Variants in MED24 observed in about 807,000 individuals in gnomAD.
MED24 encodes mediator of RNA polymerase II transcription subunit 24.
In MED24, 74 loss-of-function variants were observed where a neutral mutation model predicts 118.8. The ratio of observed to expected loss-of-function variants is 0.62; its 90% CI spans 0.52 to 0.76. The LOEUF is 0.76. Among genes scored for constraint, MED24 ranks in the 30% least tolerant of loss-of-function variants. MED24 has a pLI of 0.00. For synonymous variants in MED24, 521 were observed against 523.9 expected (o/e 0.99, Z 0.08); for missense variants, 1,041 against 1,278.9 (o/e 0.81, Z 2.84).
intron 23 of MED24, 78 bp downstream of exon 23, chr17:40,021,877 G>T: frequency 9.3e-7 from 1 of 1,078,620 alleles, no homozygotes; most frequent in Non-Finnish European, 1.4e-6. Flanking sequence ...GCCTGCAGCT[G>T]GGGCAGCGGC....
chr17:40,035,057 A>G, intron 6 of MED24, 60 bp downstream of exon 6: 1 of 1,610,234 alleles, frequency 6.2e-7, no homozygotes, highest in Non-Finnish European at 8.5e-7. Context: ...TCCCTTCTCA[A>G]TTAAAGGACC....
chr17:40,027,251 G>GT, intron 16 of MED24, 132 bp downstream of exon 16: 1 of 1,107,676 alleles, frequency 9.0e-7, no homozygotes, highest in Non-Finnish European at 1.3e-6. Flanking sequence ...TCCAGCCCGG[G>GT]TGGGCACCTG....
intron 19 of MED24, among the ~76,000 whole-genome samples, chr17:40,025,190 G>C (rs915803823): frequency 1.3e-5 from 2 of 152,082 alleles, no homozygotes; most frequent in African/African-American, 4.8e-5. Flanking sequence ...CTAAAAAGTA[G>C]TCAAATTCAG....
In MED24 at chr17:40,032,641, C is replaced by T. The variant is rs1345610912; in HGVS notation, c.936+8G>A. ...AGACTGGCTCTGCCCCTCCCACGTCCCCAGTACCTTGAGGAAAGTGAAAGC... is the reference window on the plus strand; with the variant it reads ...AGACTGGCTCTGCCCCTCCCACGTCTCCAGTACCTTGAGGAAAGTGAAAGC... On this transcript the variant is annotated splice_region_variant and intron_variant, in intron 9 of 25. Transcript: ENST00000394128. 1 of 1,607,644 alleles carries T rather than the reference C, an allele frequency of 6.2e-7. No individual in the cohort carries two copies. Among genetic ancestry groups the T allele is most frequent in the Non-Finnish European group, 8.5e-7 (1 of 1,174,390 alleles).
In MED24 at chr17:40,026,841, G is replaced by C; in HGVS notation, c.1709+15C>G. ...CCCCACCGCCACCCTTGGAGTGGGC[G>C]CCCGGGCCACTGACACTAGCTTCAT... On this transcript the variant is annotated intron_variant, in intron 17 of 25. Transcript: ENST00000394128. The C allele has an allele frequency of 6.2e-7, 1 of 1,610,528 alleles. No individual in the cohort carries two copies. Among genetic ancestry groups the C allele is most frequent in the South Asian group, 1.1e-5 (1 of 90,974 alleles).
At position 40,035,728 on chromosome 17, in the gene MED24, C is replaced by G; in HGVS notation, c.320G>C (p.Arg107Pro). The change falls in exon 5 of 26, where the codon CGT becomes CCT. Residue 107 changes from arginine (R) to proline (P), a missense_variant. By Grantham distance (103) the Arg-to-Pro change is moderately radical. Around this residue, in one of 3 missense-constraint regions of MED24, gnomAD observed 434 missense variants for 514.9 expected, o/e 0.84. Transcript: ENST00000394128. ...CCCTTACCCCTGCCCTTACCTCAGACGGTCACAAAACATGTCCATGATGTC... is the reference window on the plus strand; with the variant it reads ...CCCTTACCCCTGCCCTTACCTCAGAGGGTCACAAAACATGTCCATGATGTC... The part of the protein sequence containing the change: ...LLDIMDMFCD[R>P]LSCHGKAEEC... 6.2e-7 allele frequency: 1 copy of G among 1,613,888 alleles called. No homozygotes were observed. The highest frequency in any genetic ancestry group is 1.1e-5 in the South Asian group (1 of 91,058).
chr17:40,023,631 A>T (rs1196902598), intron 19 of MED24: 1 of 470,498 alleles, frequency 2.1e-6, no homozygotes, highest in African/African-American at 2.0e-5. Flanking sequence ...CTGGGGAGGG[A>T]CTTTCCTCCC....
chr17:40,029,955 G>A, intron 12 of MED24, 96 bp from the exon 13 acceptor site: 2 of 1,088,798 alleles, frequency 1.8e-6, no homozygotes. Context: ...ATGCGCAGAG[G>A]AGGTGGGAAG....
intron 19 of MED24, chr17:40,023,658 A>ATTTCTTTTTCTTT: frequency 2.4e-6 from 1 of 423,340 alleles, no homozygotes; most frequent in Non-Finnish European, 4.2e-6. Context: ...CATTCCAGCC[A>ATTTCTTTTTCTTT]GATATTCACA....
chr17:40,026,424 G>A (rs1255933000), intron 18 of MED24, 93 bp from the exon 19 acceptor site: 8 of 1,482,780 alleles, frequency 5.4e-6, no homozygotes, highest in East Asian at 2.3e-5. Context: ...TAAGTGCAGC[G>A]GGTGGAGTCC....
chr17:40,026,971 A>C lies in MED24; in HGVS notation c.1594T>G (p.Cys532Gly), dbSNP rs370938302. Residue 532 changes from cysteine to glycine, a missense_variant, in exon 17 of 26, where the codon TGC (cysteine) becomes GGC (glycine). This residue lies in a region of MED24 where 587 missense variants were observed against 694.4 expected (regional missense o/e 0.85). Transcript: ENST00000394128. ...AGGATCTTGCCCTCCTCAGGCATGCAGGTCTGCATCCAGGTCTCGAAGAAG... is the reference window on the plus strand; with the variant it reads ...AGGATCTTGCCCTCCTCAGGCATGCCGGTCTGCATCCAGGTCTCGAAGAAG... ...VPFFETWMQT[C>G]MPEEGKILNP... The C allele has an allele frequency of 6.5e-5, 105 of 1,613,994 alleles. 1 individual carries two copies. The highest frequency in any genetic ancestry group is 5.1e-5 in the Non-Finnish European group (60 of 1,180,018).
chr17:40,033,915 G>C lies in MED24; in HGVS notation c.560-459C>G. 1 of 365,590 alleles carries C rather than the reference G, an allele frequency of 2.7e-6. No individual in the cohort carries two copies. 22.6% of individuals were successfully genotyped at this position (365,590 alleles called of 1,614,324 possible). A position where few individuals can be genotyped will look rare whatever the true frequency, so the allele number is the denominator to read the frequency against. ...TCAACCACTCCCTCATCTAGGCATT[G>C]CGTTTGCTGCCCTCCCCTGCTGAAG... On this transcript the variant is annotated intron_variant, in intron 6 of 25. Coordinates refer to ENST00000394128, the MANE Select transcript of MED24 (RefSeq NM_014815.4). This position sits in a 1 kb window ranked among gnomAD's most constrained non-coding sequence, Gnocchi z 5.2.
intron 6 of MED24, 160 bp downstream of exon 6, chr17:40,034,957 T>G: frequency 2.5e-6 from 4 of 1,577,880 alleles, no homozygotes; most frequent in Non-Finnish European, 3.4e-6. Context: ...CCCAAGTCCC[T>G]GGGATGTGTG....
At chr17:40,038,373 G>C (rs1191442621) in intron 3 of MED24, among the ~76,000 whole-genome samples, 1 of 152,070 alleles carries the variant, frequency 6.6e-6, no homozygotes, top group African/African-American at 2.4e-5. Flanking sequence ...TGGATATCTA[G>C]TTCAGCTGTC....
At chr17:40,042,660 CAG>C (rs1984679536) in intron 3 of MED24, among the ~76,000 whole-genome samples, 1 of 152,116 alleles carries the variant, frequency 6.6e-6, no homozygotes, top group African/African-American at 2.4e-5. Flanking sequence ...GCCTGGAAGA[CAG>C]AGTGATACTC....
intron 3 of MED24, among the ~76,000 whole-genome samples, chr17:40,045,929 C>T (rs1057350964): frequency 6.6e-6 from 1 of 151,870 alleles, no homozygotes; most frequent in Non-Finnish European, 1.5e-5. Flanking sequence ...ACGTGCATGC[C>T]ACCACACCCA....
intron 19 of MED24, among the ~76,000 whole-genome samples, chr17:40,024,787 G>A (rs1352601217): frequency 6.6e-6 from 1 of 152,148 alleles, no homozygotes; most frequent in Non-Finnish European, 1.5e-5. Context: ...CCAGGCTGGA[G>A]TGCAGTGGCG....
intron 18 of MED24, 81 bp from the exon 19 acceptor site, chr17:40,026,412 G>A: frequency 1.3e-6 from 2 of 1,527,358 alleles, no homozygotes; most frequent in Non-Finnish European, 1.8e-6. Context: ...TCTGCGGGCA[G>A]CTAAGTGCAG....
At chr17:40,021,913 T>G in intron 23 of MED24, 42 bp downstream of exon 23, 1 of 1,415,954 alleles carries the variant, frequency 7.1e-7, no homozygotes, top group East Asian at 2.4e-5. Context: ...GGGAGTGAAT[T>G]CCCAGGAAAA....
Sources: gnomAD v4.1 joint callset for allele counts (sites outside exome capture counted in the v4.1 genomes callset) on GRCh38, gnomAD v4.1.1 for gene constraint, gnomAD v4.1.1 regional missense constraint, Gnocchi (gnomAD v3.1) non-coding constraint, MANE v1.5 for transcripts, NCBI Gene and HGNC (gene_info 2026-07-23, HGNC 2026-07-21) for gene names.